CCDC38: variants seen among roughly 807,000 people sequenced by gnomAD.
CCDC38 encodes coiled-coil domain-containing protein 38.
A neutral mutation model predicts 72.8 loss-of-function variants in CCDC38; 69 were observed. That is an observed-to-expected ratio of 0.95 (90% CI 0.78 to 1.16). The LOEUF (loss-of-function observed/expected upper bound fraction) is 1.16. Ranked by LOEUF, CCDC38 falls within the 50% of genes most tolerant of loss-of-function variation. The probability of loss-of-function intolerance (pLI) is 0.00; values close to 1 mark genes in which losing one functional copy is unlikely to be tolerated. For missense variants in CCDC38, 626 were observed against 638.9 expected (o/e 0.98, Z 0.22); for synonymous variants, 201 against 213.2 (o/e 0.94, Z 0.50).
At chr12:95,891,976 G>A (rs2079831887) in intron 8 of CCDC38, among the ~76,000 whole-genome samples, 1 of 151,936 alleles carries the variant, frequency 6.6e-6, no homozygotes, top group Non-Finnish European at 1.5e-5. Flanking sequence ...GCTGCCCCTG[G>A]CTCCCATCCC....
chr12:95,939,030 C>T (rs963594120), intron 1 of CCDC38, among the ~76,000 whole-genome samples: 2 of 152,212 alleles, frequency 1.3e-5, no homozygotes, highest in African/African-American at 4.8e-5. Flanking sequence ...AGAACATAGA[C>T]TCTCTCTATG....
chr12:95,887,159 T>G (rs2079769082), intron 10 of CCDC38, among the ~76,000 whole-genome samples: 1 of 152,082 alleles, frequency 6.6e-6, no homozygotes, highest in Admixed American at 6.6e-5. Flanking sequence ...CACTCCAGCC[T>G]GGGTGACAGA....
intron 5 of CCDC38, among the ~76,000 whole-genome samples, chr12:95,904,094 T>C (rs530448931): frequency 1.6e-4 from 24 of 152,306 alleles, no homozygotes; most frequent in African/African-American, 5.3e-4. Context: ...TCTTCTTGGG[T>C]AGGCTTTGGT....
chr12:95,931,798 A>C (rs181672703), intron 2 of CCDC38, among the ~76,000 whole-genome samples: 37 of 152,322 alleles, frequency 2.4e-4, no homozygotes, highest in African/African-American at 8.4e-4. Context: ...AAAATAAAGC[A>C]GAATATAGGA....
intron 2 of CCDC38, among the ~76,000 whole-genome samples, chr12:95,922,696 C>T (rs575531656): frequency 2.6e-5 from 4 of 152,224 alleles, no homozygotes; most frequent in African/African-American, 9.6e-5. Flanking sequence ...CAAGGCAGCA[C>T]ATACAATTTT....
chr12:95,936,437 G>C, intron 2 of CCDC38, 36 bp downstream of exon 2: 1 of 1,599,906 alleles, frequency 6.3e-7, no homozygotes, highest in Non-Finnish European at 8.5e-7. Flanking sequence ...ACACTGCCAG[G>C]CCCAAACAAG....
chr12:95,904,041 A>T (rs1002984024), intron 5 of CCDC38, among the ~76,000 whole-genome samples: 2 of 149,642 alleles, frequency 1.3e-5, no homozygotes, highest in African/African-American at 5.0e-5. Flanking sequence ...TTTACCTGTA[A>T]GTTCAATTTC....
intron 4 of CCDC38, among the ~76,000 whole-genome samples, chr12:95,915,409 C>T (rs1176631913): frequency 6.6e-6 from 1 of 152,190 alleles, no homozygotes; most frequent in African/African-American, 2.4e-5. Context: ...AAACCAGAGT[C>T]AGGCTGCTCG....
intron 2 of CCDC38, among the ~76,000 whole-genome samples, chr12:95,936,065 C>T (rs925706706): frequency 2.0e-5 from 3 of 149,718 alleles, no homozygotes; most frequent in Admixed American, 6.7e-5. Context: ...GCAACAAGAA[C>T]GAAATTCCAT....
intron 9 of CCDC38, 110 bp from the exon 10 acceptor site, chr12:95,888,616 T>C (rs963575229): frequency 5.8e-6 from 5 of 856,318 alleles, no homozygotes; most frequent in African/African-American, 5.1e-5. Context: ...TTCATTTTTC[T>C]GCACAGACAT....
intron 11 of CCDC38, among the ~76,000 whole-genome samples, chr12:95,880,655 A>AAC (rs1167196321): frequency 6.8e-6 from 1 of 148,104 alleles, no homozygotes; most frequent in Non-Finnish European, 1.5e-5. Context: ...CTCCATTTCA[A>AAC]AAAAAAAAAA....
chr12:95,876,796 T>G (rs1331866732), intron 13 of CCDC38, among the ~76,000 whole-genome samples: 1 of 152,176 alleles, frequency 6.6e-6, no homozygotes, highest in Non-Finnish European at 1.5e-5. Flanking sequence ...TTCTCCCAGT[T>G]CTACTTCTGT....
At chr12:95,892,474 A>G (rs983601092) in intron 8 of CCDC38, among the ~76,000 whole-genome samples, 10 of 150,158 alleles carry the variant, frequency 6.7e-5, no homozygotes, top group Non-Finnish European at 4.4e-5. Flanking sequence ...TGTAGAGACT[A>G]TGTCTCACTA....
Position 95,890,848 on chromosome 12 carries a change from C to T in CCDC38, c.855G>A (p.Gln285=), listed in dbSNP as rs771693671. ...TACCTTTACCTTGGCTGTCTCTTCCCTGAGAAGCATCTTCTGAAAGGACAG... is the reference window on the plus strand; with the variant it reads ...TACCTTTACCTTGGCTGTCTCTTCCTTGAGAAGCATCTTCTGAAAGGACAG... ...RTAVLSEDAS[Q]GRDSQGKPSR... is the part of the protein sequence containing the mutation. Residue 285 remains glutamine (Q), a synonymous_variant, in exon 9 of 16, where the codon CAG becomes CAA. Coordinates refer to ENST00000344280, the MANE Select transcript of CCDC38 (RefSeq NM_182496.3). 6.9e-6 allele frequency: 11 copies of T among 1,601,864 alleles called. No homozygotes were observed. Among genetic ancestry groups the T allele is most frequent in the African/African-American group, 1.3e-5 (1 of 74,592 alleles).
At position 95,880,147 on chromosome 12, in the gene CCDC38, C is replaced by T. The variant is rs116625216; in HGVS notation, c.991-352G>A. ...CAGGAGGCTGAGTGAAAGTCATTTT[C>T]TCCCCACATTTTAATTATTTTATAT... On this transcript the variant is annotated intron_variant, in intron 11 of 15. Transcript: ENST00000344280. The T allele has an allele frequency of 3.7e-3, 640 of 171,394 alleles. 1 individual carries two copies. The highest frequency in any genetic ancestry group is 0.015 in the African/African-American group (619 of 42,360). 10.6% of individuals were successfully genotyped at this position (171,394 alleles called of 1,614,324 possible).
At chr12:95,937,247 C>T (rs573691876) in intron 1 of CCDC38, among the ~76,000 whole-genome samples, 16 of 152,284 alleles carry the variant, frequency 1.1e-4, no homozygotes, top group Admixed American at 3.9e-4. Context: ...GAGCCAGTGC[C>T]TCACTCTACT....
At chr12:95,910,734 C>T (rs532841193) in intron 4 of CCDC38, among the ~76,000 whole-genome samples, 11 of 152,190 alleles carry the variant, frequency 7.2e-5, no homozygotes, top group Admixed American at 3.3e-4. Context: ...CATGGTTGTG[C>T]GTGCCTATAG....
At chr12:95,876,159 T>A (rs1406890887) in intron 13 of CCDC38, among the ~76,000 whole-genome samples, 1 of 152,194 alleles carries the variant, frequency 6.6e-6, no homozygotes, top group East Asian at 1.9e-4. Flanking sequence ...ATGGATGAAC[T>A]TTGAAAACAT....
At chr12:95,921,709 C>T (rs4762639) in intron 2 of CCDC38, among the ~76,000 whole-genome samples, 14,162 of 150,718 alleles carry the variant, frequency 0.094, 1,171 homozygotes, top group East Asian at 0.46. Flanking sequence ...ACCATATAAC[C>T]AAGAATACTG....
Sources: allele counts gnomAD v4.1 joint callset (sites outside exome capture counted in the v4.1 genomes callset), GRCh38; gene constraint gnomAD v4.1.1; transcripts MANE v1.5; gene names NCBI Gene and HGNC (gene_info 2026-07-23, HGNC 2026-07-21).